ERMAP: variants seen among roughly 807,000 people sequenced by gnomAD.
ERMAP encodes erythroblast membrane associated protein (Scianna blood group).
ERMAP carries 34 observed loss-of-function variants against 49.5 expected under a neutral mutation model. The ratio of observed to expected loss-of-function variants is 0.69; its 90% confidence interval spans 0.52 to 0.91. ERMAP has a LOEUF of 0.91. ERMAP is among the 40% of genes least tolerant of loss of function. The pLI, the probability that ERMAP is intolerant of heterozygous loss-of-function variation, is 0.00. For synonymous variants in ERMAP, 214 were observed against 232.2 expected (o/e 0.92, Z 0.71); for missense variants, 541 against 582.6 (o/e 0.93, Z 0.74).
chr1:42,838,913 A>T lies in ERMAP; in HGVS notation c.629A>T (p.Lys210Ile). Residue 210 changes from lysine to isoleucine, a missense_variant, in exon 8 of 12, where the codon AAA (lysine) becomes ATA (isoleucine). Coordinates refer to ENST00000372517, the MANE Select transcript of ERMAP (RefSeq NM_001017922.2). ...TTCTGGTTTTTAGGAAAACTCCATA[A>T]AGCTGTCAGTAAGTTTTGCTCCTCA... Reference protein sequence around the residue: ...DHAKEKGKLHKAVKKLRSELK... With the variant: ...DHAKEKGKLHIAVKKLRSELK... 1 of 1,614,116 alleles carries T rather than the reference A, an allele frequency of 6.2e-7. No homozygotes were observed. The highest frequency in any genetic ancestry group is 8.5e-7 in the Non-Finnish European group (1 of 1,179,994).
At position 42,840,035 on chromosome 1, in the gene ERMAP, A is replaced by G. The variant is rs766230109; in HGVS notation, c.640A>G (p.Lys214Glu). The change falls in exon 9 of 12, where the codon AAA becomes GAA. Residue 214 changes from lysine to glutamate, a missense_variant and splice_region_variant. Coordinates refer to ENST00000372517, the MANE Select transcript of ERMAP (RefSeq NM_001017922.2). Reference protein sequence around the residue: ...EKGKLHKAVKKLRSELKLKRA... With the variant: ...EKGKLHKAVKELRSELKLKRA... ...GCCAAATTGTTTTCATTCTTTAGAG[A>G]AACTCCGGAGTGAACTGAGTAAGTT... The G allele has an allele frequency of 1.2e-6, 2 of 1,614,140 alleles. No individual in the cohort carries two copies. Among genetic ancestry groups the G allele is most frequent in the Non-Finnish European group, 1.7e-6 (2 of 1,180,024 alleles).
At chr1:42,826,015 G>A (rs1557605682) in intron 2 of ERMAP, among the ~76,000 whole-genome samples, 1 of 152,176 alleles carries the variant, frequency 6.6e-6, no homozygotes, top group African/African-American at 2.4e-5. Context: ...TGGACGCTGT[G>A]CTGTGTGCTT....
intron 4 of ERMAP, 35 bp downstream of exon 4, chr1:42,831,150 T>C (rs759288632): frequency 6.3e-7 from 1 of 1,599,976 alleles, no homozygotes; most frequent in Non-Finnish European, 8.5e-7. Flanking sequence ...GGGTCATTTG[T>C]GGCAATTGGA....
At position 42,844,136 on chromosome 1, in the gene ERMAP, T is replaced by C. The variant is rs937665955; in HGVS notation, c.*904T>C. 3.2e-4 allele frequency: 129 copies of C among 398,490 alleles called. No individual in the cohort carries two copies. The highest frequency in any genetic ancestry group is 2.5e-3 in the African/African-American group (120 of 48,624). The allele number at this position is 398,490 out of a possible 1,614,324, so 24.7% of individuals were successfully genotyped here. On this transcript the variant is annotated 3_prime_UTR_variant, in exon 12 of 12. Transcript: ENST00000372517. This position sits in a 1 kb window ranked among gnomAD's most constrained non-coding sequence, Gnocchi z 4.0. ...TTTAACCACCAACGTAGAAGCTTTT[T>C]TTTCCCCACAAGACCATTGTACTGC...
chr1:42,832,919 A>G (rs1306831215), intron 4 of ERMAP, among the ~76,000 whole-genome samples: 1 of 152,266 alleles, frequency 6.6e-6, no homozygotes, highest in Non-Finnish European at 1.5e-5. Context: ...GCTGGTGTGC[A>G]GATAGGTGGG....
At chr1:42,837,115 G>A in intron 6 of ERMAP, 43 bp from the exon 7 acceptor site, 1 of 1,611,558 alleles carries the variant, frequency 6.2e-7, no homozygotes, top group African/African-American at 1.3e-5. Context: ...GATCCTCAAG[G>A]CAGTGGCAAA....
At chr1:42,824,004 C>T (rs1320822988) in intron 1 of ERMAP, among the ~76,000 whole-genome samples, 2 of 152,158 alleles carry the variant, frequency 1.3e-5, no homozygotes. Flanking sequence ...AACTGGTGCT[C>T]TAGAGAAATT....
At chr1:42,829,585 G>A (rs544054085) in intron 2 of ERMAP, among the ~76,000 whole-genome samples, 159 of 152,288 alleles carry the variant, frequency 1.0e-3, no homozygotes, top group Non-Finnish European at 2.0e-3. Flanking sequence ...AAATCCTTTA[G>A]GGTCTCCCTG....
intron 11 of ERMAP, 65 bp downstream of exon 11, chr1:42,840,361 T>C (rs961918711): frequency 1.3e-6 from 2 of 1,599,664 alleles, no homozygotes; most frequent in Non-Finnish European, 1.7e-6. Context: ...TTTGTAACCT[T>C]AGATTTTGTT....
chr1:42,842,767 T>A lies in ERMAP; in HGVS notation c.963T>A (p.Thr321=). 6.2e-7 allele frequency: 1 copy of A among 1,614,198 alleles called. No homozygotes were observed. Residue 321 remains threonine (T), a synonymous_variant, in exon 12 of 12, where the codon ACT becomes ACA. Transcript: ENST00000372517. ...SESVSRKGKV[T]ASPANGHWLL... ...CAGTGAGCAGGAAGGGGAAGGTTAC[T>A]GCCTCACCTGCCAATGGACACTGGC...
intron 8 of ERMAP, chr1:42,839,206 A>G: frequency 1.9e-6 from 1 of 540,042 alleles, no homozygotes; most frequent in Non-Finnish European, 3.3e-6. Context: ...TTTATCACCC[A>G]GGCATGACAT....
At chr1:42,832,616 C>T (rs1359215638) in intron 4 of ERMAP, among the ~76,000 whole-genome samples, 1 of 152,184 alleles carries the variant, frequency 6.6e-6, no homozygotes, top group East Asian at 1.9e-4. Flanking sequence ...ATCCTCCCAC[C>T]TCAGCCTCCC....
Position 42,819,202 on chromosome 1 carries a change from T to C in ERMAP, c.-122+1949T>C, listed in dbSNP as rs1024210057. On this transcript the variant is annotated intron_variant, in intron 1 of 11. Transcript: ENST00000372517. The surrounding 1 kb of genome is among the most constrained non-coding windows in gnomAD (Gnocchi z 5.1). ...GTGTGTGTGTGTGTGTGTGTGTGTG[T>C]GTGTGCGCGCGCGCAAGAGAGGGAC... 6.5e-5 allele frequency among the ~76,000 whole-genome samples: 7 copies of C among 108,218 alleles called. No individual in the cohort carries two copies. Among genetic ancestry groups the C allele is most frequent in the African/African-American group, 2.3e-4 (7 of 31,040 alleles). The allele number at this position is 108,218 out of a possible 152,430, so 71.0% of individuals were successfully genotyped here.
chr1:42,830,292 C>G, intron 2 of ERMAP, 152 bp from the exon 3 acceptor site: 2 of 638,872 alleles, frequency 3.1e-6, no homozygotes, highest in South Asian at 3.8e-5. Flanking sequence ...CACAGTATCA[C>G]AAGGAGGTAA....
At chr1:42,826,503 AG>A (rs780111854) in intron 2 of ERMAP, among the ~76,000 whole-genome samples, 1 of 152,162 alleles carries the variant, frequency 6.6e-6, no homozygotes, top group Admixed American at 6.5e-5. Context: ...GCAGATGAAA[AG>A]TCTTCCCATT....
chr1:42,832,179 ATTTTTTTTTTTT>A (rs75673269), intron 4 of ERMAP, among the ~76,000 whole-genome samples: 27,058 of 97,092 alleles, frequency 0.28, 3,517 homozygotes, highest in Admixed American at 0.35. Flanking sequence ...GTGAAAATTA[ATTTTTTTTTTTT>A]TTTTTTTTTT....
In ERMAP at chr1:42,819,763, CTTT is replaced by C. The variant is rs374844500; in HGVS notation, c.-122+2520_-122+2522del. 6.9e-6 allele frequency among the ~76,000 whole-genome samples: 1 copy of C among 145,374 alleles called. No homozygotes were observed. Among genetic ancestry groups the C allele is most frequent in the East Asian group, 2.0e-4 (1 of 5,054 alleles). ...TGTGAACCAGGTCATTTACCAGTGT[CTTT>C]TTTTTTTTTCTTGGCAGCATCCCTC... On this transcript the variant is annotated intron_variant, in intron 1 of 11. Coordinates refer to ENST00000372517, the MANE Select transcript of ERMAP (RefSeq NM_001017922.2). The surrounding 1 kb of genome is among the most constrained non-coding windows in gnomAD (Gnocchi z 5.1).
intron 8 of ERMAP, chr1:42,839,639 CAT>C (rs1233132320): frequency 1.3e-5 from 3 of 235,364 alleles, no homozygotes; most frequent in Non-Finnish European, 2.5e-5. Context: ...AATCTGTAGA[CAT>C]GTGACATATC....
intron 4 of ERMAP, chr1:42,834,543 T>C: frequency 3.5e-6 from 1 of 283,772 alleles, no homozygotes; most frequent in South Asian, 3.2e-5. Context: ...ACATCTCAGT[T>C]TTTGTTTGTT....
Sources: allele counts gnomAD v4.1 joint callset (sites outside exome capture counted in the v4.1 genomes callset), GRCh38; gene constraint gnomAD v4.1.1; non-coding constraint Gnocchi (gnomAD v3.1); transcripts MANE v1.5; gene names NCBI Gene and HGNC (gene_info 2026-07-23, HGNC 2026-07-21).